The following ATL3 variants were observed in gnomAD, a reference collection of about 807,000 sequenced individuals.
ATL3 encodes atlastin GTPase 3, also known as atlastin-3.
A neutral mutation model predicts 69.5 loss-of-function variants in ATL3; 49 were observed. That is an observed-to-expected ratio of 0.71 (90% CI 0.56 to 0.89). The LOEUF is 0.89. Among genes scored for constraint, ATL3 ranks in the 40% least tolerant of loss-of-function variants. The pLI is 0.00. For missense variants in ATL3, 606 were observed against 645.7 expected (o/e 0.94, Z 0.67); for synonymous variants, 214 against 224.1 (o/e 0.95, Z 0.40).
chr11:63,656,089 T>G (rs1940236096), intron 3 of ATL3, among the ~76,000 whole-genome samples: 2 of 151,884 alleles, frequency 1.3e-5, no homozygotes, highest in African/African-American at 4.8e-5. Context: ...CCGGGCGTGG[T>G]GGTAGGCGCC....
At chr11:63,633,127 A>C (rs766943886) in intron 10 of ATL3, 30 bp from the exon 11 acceptor site, 11 of 1,582,128 alleles carry the variant, frequency 7.0e-6, no homozygotes, top group Non-Finnish European at 9.6e-6. Flanking sequence ...TGAACTGTAA[A>C]TCCTTCCTCT....
chr11:63,671,254 GGC>G, intron 1 of ATL3, 34 bp downstream of exon 1: 1 of 1,555,622 alleles, frequency 6.4e-7, no homozygotes, highest in Non-Finnish European at 8.7e-7. Flanking sequence ...CGGCGGGGGT[GGC>G]CGCGGGGCGA....
chr11:63,669,468 G>C (rs1318984677), intron 1 of ATL3, among the ~76,000 whole-genome samples: 1 of 152,010 alleles, frequency 6.6e-6, no homozygotes, highest in African/African-American at 2.4e-5. Context: ...CTGGGAGGCG[G>C]AGGTTGCAGT....
intron 4 of ATL3, 118 bp downstream of exon 4, chr11:63,652,353 A>C: frequency 1.5e-6 from 1 of 688,368 alleles, no homozygotes; most frequent in Non-Finnish European, 2.2e-6. Flanking sequence ...CTACAGTTTA[A>C]AAATAATATT....
intron 5 of ATL3, 32 bp from the exon 6 acceptor site, chr11:63,646,595 C>A: frequency 6.7e-7 from 1 of 1,485,502 alleles, no homozygotes; most frequent in Non-Finnish European, 9.3e-7. Context: ...GTTTGTAAAG[C>A]AAAATTACTT....
intron 3 of ATL3, among the ~76,000 whole-genome samples, chr11:63,654,816 C>T (rs1329047548): frequency 7.3e-5 from 11 of 151,260 alleles, no homozygotes. Flanking sequence ...CCTGCCTCAG[C>T]CTCCTGAGTA....
chr11:63,651,646 C>T (rs1940084049), intron 5 of ATL3, among the ~76,000 whole-genome samples: 1 of 152,170 alleles, frequency 6.6e-6, no homozygotes, highest in Admixed American at 6.5e-5. Flanking sequence ...ACACTCCCCT[C>T]AGGGTCTGTC....
intron 1 of ATL3, among the ~76,000 whole-genome samples, chr11:63,660,276 A>G (rs1565282804): frequency 6.6e-6 from 1 of 152,188 alleles, no homozygotes; most frequent in Non-Finnish European, 1.5e-5. Flanking sequence ...GAAAAAAATA[A>G]CAGGCACTTT....
intron 7 of ATL3, among the ~76,000 whole-genome samples, chr11:63,643,900 C>A (rs1043073117): frequency 6.6e-6 from 1 of 152,108 alleles, no homozygotes; most frequent in African/African-American, 2.4e-5. Flanking sequence ...TTTCTAAAGA[C>A]ACATATAGAA....
chr11:63,629,745 C>G lies in ATL3; in HGVS notation c.1540-340G>C, dbSNP rs1370278019. Among the ~76,000 whole-genome samples, 3 of 152,316 alleles carry G rather than the reference C, an allele frequency of 2.0e-5. No individual in the cohort carries two copies. The East Asian group carries it at 5.8e-4, about 29-fold the overall frequency. On this transcript the variant is annotated intron_variant, in intron 12 of 12. Transcript: ENST00000398868. Reference sequence around the variant, plus strand: ...AATGTCCAAGAGCTACTGGGTTAGTCAGGTGTGGTGGCACTCGCCTGTAAC... The same window carrying G: ...AATGTCCAAGAGCTACTGGGTTAGTGAGGTGTGGTGGCACTCGCCTGTAAC...
At chr11:63,645,636 G>C (rs1939849102) in intron 6 of ATL3, among the ~76,000 whole-genome samples, 1 of 152,060 alleles carries the variant, frequency 6.6e-6, no homozygotes, top group Non-Finnish European at 1.5e-5. Context: ...TGTTACCCAG[G>C]CTGGAGTGCA....
intron 8 of ATL3, 99 bp from the exon 9 acceptor site, chr11:63,636,433 ATTGGT>A (rs1590721814): frequency 2.0e-6 from 3 of 1,507,026 alleles, no homozygotes; most frequent in African/African-American, 1.4e-5. Flanking sequence ...TGCTTTTAAC[ATTGGT>A]TGTTAAAAGT....
intron 5 of ATL3, among the ~76,000 whole-genome samples, chr11:63,649,176 G>T (rs1252365190): frequency 6.6e-6 from 1 of 152,106 alleles, no homozygotes; most frequent in African/African-American, 2.4e-5. Context: ...AAACTTATTT[G>T]GAAACAAAAC....
intron 3 of ATL3, among the ~76,000 whole-genome samples, chr11:63,654,974 T>C (rs1451895729): frequency 1.3e-5 from 2 of 152,108 alleles, no homozygotes; most frequent in Non-Finnish European, 2.9e-5. Flanking sequence ...ATTTTTCTCC[T>C]CATTTGGGTT....
At position 63,629,325 on chromosome 11, in the gene ATL3, A is replaced by T. The variant is rs550470124; in HGVS notation, c.1620T>A (p.Ala540=). The change falls in exon 13 of 13, where the codon GCT becomes GCA. Residue 540 remains alanine, a synonymous_variant. Transcript: ENST00000398868. ...TGATCTTCACGTTAAGATGCTATTGAGCTTTTTTATCCATGGATGGTCTTC... is the reference window on the plus strand; with the variant it reads ...TGATCTTCACGTTAAGATGCTATTGTGCTTTTTTATCCATGGATGGTCTTC... ...VVGRPSMDKK[A]Q The T allele has an allele frequency of 6.2e-7, 1 of 1,613,700 alleles. No homozygotes were observed. The highest frequency in any genetic ancestry group is 1.1e-5 in the South Asian group (1 of 91,070).
rs570166614 is a variant in ATL3 at position 63,668,834 on chromosome 11, T to C, written c.46+2456A>G. Among the ~76,000 whole-genome samples, 6 of 144,096 alleles carry C rather than the reference T, an allele frequency of 4.2e-5. No homozygotes were observed. The East Asian group carries it at 1.2e-3, about 29-fold the overall frequency. 94.5% of individuals were successfully genotyped at this position (144,096 alleles called of 152,430 possible). A position where few individuals can be genotyped will look rare whatever the true frequency, so the allele number is the denominator to read the frequency against. Reference sequence around the variant, plus strand: ...TTTTTTGAGACAAGGTCTCACTCTGTTGCCTAGGCTGGAGTGCAGTGGCAA... The same window carrying C: ...TTTTTTGAGACAAGGTCTCACTCTGCTGCCTAGGCTGGAGTGCAGTGGCAA... On this transcript the variant is annotated intron_variant, in intron 1 of 12. Transcript: ENST00000398868.
rs1355999631 is a variant in ATL3, at chr11:63,646,567, TA to T, written c.562-5del. 3 of 1,597,342 alleles carry T rather than the reference TA, an allele frequency of 1.9e-6. No homozygotes were observed. Among genetic ancestry groups the T allele is most frequent in the Middle Eastern group, 1.8e-4 (1 of 5,580 alleles). ...GACGACCGTATTCTGTGAAGAGCTT[TA>T]AAAAAGAAGCATTATGGTTTGTAAA... On this transcript the variant is annotated splice_region_variant and splice_polypyrimidine_tract_variant and intron_variant, in intron 5 of 12. Coordinates refer to ENST00000398868, the MANE Select transcript of ATL3 (RefSeq NM_015459.5).
rs75195005 is a variant in ATL3, at chr11:63,665,767, G to A, written c.46+5523C>T. Among the ~76,000 whole-genome samples the A allele has an allele frequency of 4.8e-3, 726 of 151,916 alleles. 7 individuals are homozygous for A. The highest frequency in any genetic ancestry group is 0.016 in the African/African-American group (670 of 41,430). On this transcript the variant is annotated intron_variant, in intron 1 of 12. Transcript: ENST00000398868. ...AACCAGGCTTGGTGGTAACGCGCCT[G>A]TAATCCCAGCTACTTGGTATCACTT...
intron 5 of ATL3, among the ~76,000 whole-genome samples, chr11:63,650,283 A>G (rs1233122317): frequency 1.3e-5 from 2 of 152,132 alleles, no homozygotes; most frequent in East Asian, 3.8e-4. Context: ...TGCATGTTAA[A>G]TCTTTTATAT....
Sources: allele counts gnomAD v4.1 joint callset (sites outside exome capture counted in the v4.1 genomes callset), GRCh38; gene constraint gnomAD v4.1.1; transcripts MANE v1.5; gene names NCBI Gene and HGNC (gene_info 2026-07-23, HGNC 2026-07-21).